Variants in PCDHGB3 observed in about 807,000 individuals in gnomAD.
PCDHGB3 encodes the protein protocadherin gamma subfamily B, 3, also known as protocadherin gamma-B3.
A neutral mutation model predicts 59.2 loss-of-function variants in PCDHGB3; 40 were observed. The observed-to-expected ratio is 0.68, with a 90% CI of 0.52 to 0.88. The LOEUF is 0.88. Ranked by LOEUF, PCDHGB3 falls within the 40% of genes least tolerant of loss-of-function variation. The pLI, the probability that PCDHGB3 is intolerant of heterozygous loss-of-function variation, is 0.00. For missense variants in PCDHGB3, 1,309 were observed against 1,187.9 expected (o/e 1.10, Z -1.50); for synonymous variants, 581 against 503.6 (o/e 1.15, Z -2.06).
At position 141,426,001 on chromosome 5, in the gene PCDHGB3, T is replaced by C. The variant is rs553657872; in HGVS notation, c.2415+53192T>C. Among the ~76,000 whole-genome samples, 3 of 152,318 alleles carry C rather than the reference T, an allele frequency of 2.0e-5. No individual in the cohort carries two copies. In the South Asian group the frequency reaches 6.2e-4, roughly 32 times the overall value. The stretch of plus-strand genomic sequence containing the variant: ...TGAATCCCATTGAATTAGCAAAGGC[T>C]TCCGGCTGCAGTTTTCTAAATAGAC... On this transcript the variant is annotated intron_variant, in intron 1 of 3. Transcript: ENST00000576222.
Position 141,432,123 on chromosome 5 carries a change from C to G in PCDHGB3, c.2415+59314C>G, listed in dbSNP as rs1224794803. On this transcript the variant is annotated intron_variant, in intron 1 of 3. Transcript: ENST00000576222. This position sits in a 1 kb window ranked among gnomAD's most constrained non-coding sequence, Gnocchi z 6.0. ...GACAACCCGCCGGTCTTCCCTCAGG[C>G]CTCCTATTCCGCTTATATCCCAGAG... 1 of 1,614,172 alleles carries G rather than the reference C, an allele frequency of 6.2e-7. No homozygotes were observed. Among genetic ancestry groups the G allele is most frequent in the Admixed American group, 1.7e-5 (1 of 60,022 alleles).
intron 1 of PCDHGB3, chr5:141,382,816 TA>T: frequency 1.6e-6 from 2 of 1,275,446 alleles, no homozygotes; most frequent in Non-Finnish European, 2.2e-6. Flanking sequence ...CTCCCCTTCC[TA>T]AGACAGAGGG....
intron 1 of PCDHGB3, chr5:141,384,943 G>A (rs777478209): frequency 5.6e-6 from 9 of 1,613,996 alleles, no homozygotes; most frequent in African/African-American, 2.7e-5. Context: ...TGAGCCCTCC[G>A]ACGGTCCTTA....
chr5:141,376,556 A>C, intron 1 of PCDHGB3: 1 of 1,611,100 alleles, frequency 6.2e-7, no homozygotes, highest in Non-Finnish European at 8.5e-7. Context: ...TCTTCCCGCA[A>C]CCCAACTAAT....
At position 141,432,834 on chromosome 5, in the gene PCDHGB3, A is replaced by G; in HGVS notation, c.2415+60025A>G. 6.2e-7 allele frequency: 1 copy of G among 1,614,082 alleles called. No homozygotes were observed. The highest frequency in any genetic ancestry group is 8.5e-7 in the Non-Finnish European group (1 of 1,179,978). ...TCTGAAACCTCAGACCTCACTCTGTACCTGGTGGTAGCGGTGGCCGCGGTC... is the reference window on the plus strand; with the variant it reads ...TCTGAAACCTCAGACCTCACTCTGTGCCTGGTGGTAGCGGTGGCCGCGGTC... On this transcript the variant is annotated intron_variant, in intron 1 of 3. Transcript: ENST00000576222. This position sits in a 1 kb window ranked among gnomAD's most constrained non-coding sequence, Gnocchi z 6.0.
Position 141,491,622 on chromosome 5 carries a change from C to T in PCDHGB3, c.2416-3185C>T, listed in dbSNP as rs980546113. 15 of 1,613,786 alleles carry T rather than the reference C, an allele frequency of 9.3e-6. No individual in the cohort carries two copies. Among genetic ancestry groups the T allele is most frequent in the Non-Finnish European group, 1.3e-5 (15 of 1,180,002 alleles). Reference sequence around the variant, plus strand: ...ACTTCACTTTTCTAAGACCCCTCAGCGTTCAGCAGCCCACAGCTCTGGCGC... The same window carrying T: ...ACTTCACTTTTCTAAGACCCCTCAGTGTTCAGCAGCCCACAGCTCTGGCGC... On this transcript the variant is annotated intron_variant, in intron 1 of 3. Transcript: ENST00000576222. This position sits in a 1 kb window ranked among gnomAD's most constrained non-coding sequence, Gnocchi z 6.9.
chr5:141,417,975 A>C, intron 1 of PCDHGB3: 3 of 1,613,724 alleles, frequency 1.9e-6, no homozygotes, highest in Non-Finnish European at 2.5e-6. Context: ...TCGATTCCGG[A>C]GGAGCTGGCC....
At chr5:141,468,758 C>G (rs929005462) in intron 1 of PCDHGB3, among the ~76,000 whole-genome samples, 1 of 151,802 alleles carries the variant, frequency 6.6e-6, no homozygotes, top group Admixed American at 6.6e-5. Context: ...CCCAGCTACT[C>G]GGGAGGCTGA....
chr5:141,387,726 G>C, intron 1 of PCDHGB3: 7 of 1,198,740 alleles, frequency 5.8e-6, no homozygotes, highest in Non-Finnish European at 8.0e-6. Context: ...ACTCCCCAGC[G>C]CCAGCCTTTA....
At chr5:141,419,359 G>C (rs1257423360) in intron 1 of PCDHGB3, 1 of 1,613,796 alleles carries the variant, frequency 6.2e-7, no homozygotes. Flanking sequence ...AGTCACGAAC[G>C]CTGTCGTCCT....
intron 1 of PCDHGB3, among the ~76,000 whole-genome samples, chr5:141,430,346 C>G (rs1191705310): frequency 6.8e-6 from 1 of 148,074 alleles, no homozygotes; most frequent in Non-Finnish European, 1.5e-5. Context: ...ACTTCCAATT[C>G]ATTTAAAAGC....
chr5:141,410,329 G>T, intron 1 of PCDHGB3: 1 of 1,613,982 alleles, frequency 6.2e-7, no homozygotes, highest in African/African-American at 1.3e-5. Context: ...CCGTGATTCT[G>T]GCCATTGCCT....
intron 1 of PCDHGB3, chr5:141,417,116 C>A (rs1407873769): frequency 6.6e-6 from 1 of 151,954 alleles, no homozygotes; most frequent in Non-Finnish European, 1.5e-5. Context: ...ATACAGGACA[C>A]CCTGGATGAT....
Position 141,449,720 on chromosome 5 carries a change from T to C in PCDHGB3, c.2416-45087T>C, listed in dbSNP as rs373093679. 2.4e-4 allele frequency among the ~76,000 whole-genome samples: 36 copies of C among 151,876 alleles called. No individual in the cohort carries two copies. In the East Asian group the frequency reaches 3.1e-3, roughly 13 times the overall value. ...ACACAAACACATTATTTTTATATGA[T>C]ATGATTTTTTTATGACATGATTATT... On this transcript the variant is annotated intron_variant, in intron 1 of 3. Coordinates refer to ENST00000576222, the MANE Select transcript of PCDHGB3 (RefSeq NM_018924.5).
chr5:141,411,752 C>T (rs2095512204), intron 1 of PCDHGB3: 1 of 152,734 alleles, frequency 6.5e-6, no homozygotes. Context: ...TGTGGTGGCA[C>T]ATGCCTGTGG....
In PCDHGB3 at chr5:141,475,486, T is replaced by C. The variant is rs576743657; in HGVS notation, c.2416-19321T>C. Among the ~76,000 whole-genome samples, 14 of 152,370 alleles carry C rather than the reference T, an allele frequency of 9.2e-5. No homozygotes were observed. In the East Asian group the frequency reaches 2.7e-3, roughly 29 times the overall value. On this transcript the variant is annotated intron_variant, in intron 1 of 3. Transcript: ENST00000576222. ...AATGCTAATTTCATTTGGTAAGAGA[T>C]AAAACTGAAATTATTAATGTCTCCA...
intron 1 of PCDHGB3, chr5:141,410,849 CTTTTTT>C (rs759346998): frequency 3.0e-4 from 42 of 138,124 alleles, no homozygotes; most frequent in Middle Eastern, 4.3e-3. Context: ...TTGTCTTTGT[CTTTTTT>C]TTTTTTTTTT....
Position 141,372,042 on chromosome 5 carries a change from G to T in PCDHGB3, c.1648G>T (p.Val550Leu), listed in dbSNP as rs373749332. 26 of 1,613,362 alleles carry T rather than the reference G, an allele frequency of 1.6e-5. No homozygotes were observed. Among genetic ancestry groups the T allele is most frequent in the African/African-American group, 2.7e-5 (2 of 74,938 alleles). Reference sequence around the variant, plus strand: ...GCTCAGCGCCAACGTGAGCCTGCGCGTGTTGGTGGACGACCGCAACGACAA... The same window carrying T: ...GCTCAGCGCCAACGTGAGCCTGCGCTTGTTGGTGGACGACCGCAACGACAA... ...PTLSANVSLR[V>L]LVDDRNDNAP... Residue 550 changes from valine to leucine, a missense_variant, in exon 1 of 4, where the codon GTG (valine) becomes TTG (leucine). Val to Leu is a conservative substitution (Grantham distance 32, BLOSUM62 1). Coordinates refer to ENST00000576222, the MANE Select transcript of PCDHGB3 (RefSeq NM_018924.5).
chr5:141,491,233 G>T lies in PCDHGB3; in HGVS notation c.2416-3574G>T. 1 of 1,614,224 alleles carries T rather than the reference G, an allele frequency of 6.2e-7. No homozygotes were observed. The highest frequency in any genetic ancestry group is 2.2e-5 in the East Asian group (1 of 44,890). On this transcript the variant is annotated intron_variant, in intron 1 of 3. Transcript: ENST00000576222. The surrounding 1 kb of genome is among the most constrained non-coding windows in gnomAD (Gnocchi z 6.9). ...CTCCTCCACAGCCACAGTGCTGCTG[G>T]TTCTGGAGGATGAGGACCCTGAGGA...
Sources: gnomAD v4.1 joint callset for allele counts (sites outside exome capture counted in the v4.1 genomes callset) on GRCh38, gnomAD v4.1.1 for gene constraint, Gnocchi (gnomAD v3.1) non-coding constraint, MANE v1.5 for transcripts, NCBI Gene and HGNC (gene_info 2026-07-23, HGNC 2026-07-21) for gene names.